The following KCNIP4 variants were observed in gnomAD, a reference collection of about 807,000 sequenced individuals.
KCNIP4 encodes Kv channel-interacting protein 4.
KCNIP4 carries 12 observed loss-of-function variants against 34.0 expected under a neutral mutation model. The observed-to-expected ratio is 0.35, with a 90% CI of 0.23 to 0.57. The LOEUF (loss-of-function observed/expected upper bound fraction) is 0.57, where lower values mean the gene tolerates loss of function less well. Ranked by LOEUF, KCNIP4 falls within the 20% of genes least tolerant of loss-of-function variation. The probability of loss-of-function intolerance (pLI) is 0.83; values close to 1 mark genes in which losing one functional copy is unlikely to be tolerated. For synonymous variants in KCNIP4, 124 were observed against 102.2 expected, an observed-to-expected ratio of 1.21 and a Z score of -1.29; for missense variants, 238 against 311.7, an observed-to-expected ratio of 0.76 and a Z score of 1.78.
chr4:21,140,483 T>C (rs1751860193), intron 1 of KCNIP4, among the ~76,000 whole-genome samples: 1 of 152,156 alleles, frequency 6.6e-6, no homozygotes, highest in African/African-American at 2.4e-5. Context: ...GATTGCACAA[T>C]GTTAACATAA....
chr4:21,671,072 C>T (rs1367815328), intron 1 of KCNIP4, among the ~76,000 whole-genome samples: 2 of 151,316 alleles, frequency 1.3e-5, no homozygotes, highest in Non-Finnish European at 2.9e-5. Flanking sequence ...TTTGTTTCTG[C>T]TGTGTTTCTA....
At chr4:21,794,581 G>C (rs1380707093) in intron 1 of KCNIP4, among the ~76,000 whole-genome samples, 3 of 152,112 alleles carry the variant, frequency 2.0e-5, no homozygotes. Context: ...GAGAATCTGA[G>C]ACCCTGGCTT....
At chr4:21,427,856 T>C (rs1726070445) in intron 1 of KCNIP4, among the ~76,000 whole-genome samples, 1 of 152,152 alleles carries the variant, frequency 6.6e-6, no homozygotes, top group Admixed American at 6.5e-5. Flanking sequence ...ATAGCCAACA[T>C]GAATTCTCTT....
intron 1 of KCNIP4, among the ~76,000 whole-genome samples, chr4:21,608,639 G>A (rs1186753274): frequency 2.0e-5 from 3 of 152,080 alleles, no homozygotes; most frequent in Non-Finnish European, 4.4e-5. Context: ...ACATCTGCCA[G>A]GTCTTTTTTT....
In KCNIP4 at chr4:21,890,848, A is replaced by G. The variant is rs115250050; in HGVS notation, c.61+57723T>C. 7.6e-3 allele frequency among the ~76,000 whole-genome samples: 1,158 copies of G among 152,282 alleles called. 14 individuals are homozygous for G. Among genetic ancestry groups the G allele is most frequent in the African/African-American group, 0.026 (1,098 of 41,576 alleles). ...GGTACAATGTCCAAGAAGCTGAAGA[A>G]GAAACCCAAAGCCAGAGAATGAAAC... On this transcript the variant is annotated intron_variant, in intron 1 of 8. Coordinates refer to ENST00000382152, the MANE Select transcript of KCNIP4 (RefSeq NM_025221.6).
chr4:20,763,014 G>A (rs954867132), intron 3 of KCNIP4, among the ~76,000 whole-genome samples: 2 of 152,114 alleles, frequency 1.3e-5, no homozygotes, highest in Non-Finnish European at 2.9e-5. Flanking sequence ...CATAACTCAT[G>A]AGAACTCACC....
At chr4:20,797,060 A>G (rs1048143710) in intron 3 of KCNIP4, among the ~76,000 whole-genome samples, 3 of 152,206 alleles carry the variant, frequency 2.0e-5, no homozygotes, top group Non-Finnish European at 2.9e-5. Flanking sequence ...TTTACAATGA[A>G]TATAAAAATT....
At chr4:21,791,209 T>G (rs148346791) in intron 1 of KCNIP4, among the ~76,000 whole-genome samples, 2 of 152,056 alleles carry the variant, frequency 1.3e-5, no homozygotes, top group African/African-American at 4.8e-5. Flanking sequence ...TGACTTCTCA[T>G]TGTATACTCA....
chr4:21,497,683 C>G (rs1732962012), intron 1 of KCNIP4, among the ~76,000 whole-genome samples: 1 of 152,136 alleles, frequency 6.6e-6, no homozygotes, highest in African/African-American at 2.4e-5. Flanking sequence ...ATTAGTTATA[C>G]CACCTTCAAA....
At chr4:20,850,885 T>C (rs1720948748) in intron 2 of KCNIP4, 1 of 420,960 alleles carries the variant, frequency 2.4e-6, no homozygotes, top group African/African-American at 1.9e-5. Flanking sequence ...TTGTCATTAA[T>C]GTAGATATTA....
In KCNIP4 at chr4:20,946,284, A is replaced by G. The variant is rs575836561; in HGVS notation, c.62-63575T>C. Among the ~76,000 whole-genome samples the G allele has an allele frequency of 2.0e-5, 3 of 152,306 alleles. No homozygotes were observed. The South Asian group carries it at 6.2e-4, about 32-fold the overall frequency. ...AGTGACTACTCTGAGATGGAAATTC[A>G]AATGAAACCTTAAGGAGAAGAAGCC... On this transcript the variant is annotated intron_variant, in intron 1 of 8. Transcript: ENST00000382152.
At chr4:20,747,670 C>T (rs975196942) in intron 5 of KCNIP4, among the ~76,000 whole-genome samples, 1 of 152,076 alleles carries the variant, frequency 6.6e-6, no homozygotes, top group African/African-American at 2.4e-5. Flanking sequence ...TTATTTTTCT[C>T]TTCTCAGTGC....
chr4:20,783,072 C>T (rs1757003909), intron 3 of KCNIP4, among the ~76,000 whole-genome samples: 1 of 152,202 alleles, frequency 6.6e-6, no homozygotes, highest in Non-Finnish European at 1.5e-5. Flanking sequence ...TAAAACATAA[C>T]AAGAGTCACC....
chr4:21,585,191 T>A (rs1478721211), intron 1 of KCNIP4, among the ~76,000 whole-genome samples: 1 of 152,038 alleles, frequency 6.6e-6, no homozygotes, highest in Non-Finnish European at 1.5e-5. Flanking sequence ...GACAGTGCTA[T>A]GAGGTGGGTG....
intron 1 of KCNIP4, among the ~76,000 whole-genome samples, chr4:21,716,820 G>GT (rs1318656954): frequency 6.6e-6 from 1 of 152,114 alleles, no homozygotes; most frequent in Non-Finnish European, 1.5e-5. Flanking sequence ...ATGTCACTTT[G>GT]TTCCTATAGC....
chr4:21,763,996 A>G (rs751811652), intron 1 of KCNIP4, among the ~76,000 whole-genome samples: 3 of 152,118 alleles, frequency 2.0e-5, no homozygotes, highest in Admixed American at 2.0e-4. Context: ...AATTTATGCA[A>G]TTAGATCATT....
chr4:21,285,764 CCAG>C (rs1160500851), intron 1 of KCNIP4, among the ~76,000 whole-genome samples: 2 of 152,038 alleles, frequency 1.3e-5, no homozygotes, highest in Non-Finnish European at 2.9e-5. Context: ...TCACTTGAAC[CCAG>C]GAGGCAGAGG....
intron 1 of KCNIP4, among the ~76,000 whole-genome samples, chr4:21,113,455 TAAAA>T (rs56676152): frequency 1.6e-5 from 1 of 62,382 alleles, no homozygotes; most frequent in Non-Finnish European, 2.8e-5. Flanking sequence ...TCTATAAGTT[TAAAA>T]AAAAAAAAAA....
chr4:20,996,074 C>A (rs1737527179), intron 1 of KCNIP4, among the ~76,000 whole-genome samples: 1 of 152,146 alleles, frequency 6.6e-6, no homozygotes. Context: ...AGTCAATTAA[C>A]AACACTTATG....
Sources: gnomAD v4.1 joint callset for allele counts (sites outside exome capture counted in the v4.1 genomes callset) on GRCh38, gnomAD v4.1.1 for gene constraint, MANE v1.5 for transcripts, NCBI Gene and HGNC (gene_info 2026-07-23, HGNC 2026-07-21) for gene names.